The following CACNA2D4 variants were observed in gnomAD, a reference collection of about 807,000 sequenced individuals.
CACNA2D4 encodes the protein calcium voltage-gated channel auxiliary subunit alpha2delta 4.
A neutral mutation model predicts 163.8 loss-of-function variants in CACNA2D4; 157 were observed. The ratio of observed to expected loss-of-function variants is 0.96; its 90% CI spans 0.84 to 1.09. The LOEUF (loss-of-function observed/expected upper bound fraction) is 1.09, where lower values mean the gene tolerates loss of function less well. Ranked by LOEUF, CACNA2D4 falls within the 50% of genes least tolerant of loss-of-function variation. CACNA2D4 has a pLI of 0.00. For synonymous variants in CACNA2D4, 598 were observed against 586.9 expected (o/e 1.02, Z -0.27); for missense variants, 1,410 against 1,479.9 (o/e 0.95, Z 0.78).
chr12:1,870,363 G>A (rs1865743636), intron 18 of CACNA2D4, among the ~76,000 whole-genome samples: 2 of 152,038 alleles, frequency 1.3e-5, no homozygotes, highest in South Asian at 4.1e-4. Context: ...TTGGGGTCTA[G>A]CCTCCCTGTG....
At chr12:1,835,274 A>T (rs1296749874) in intron 26 of CACNA2D4, 2 of 153,998 alleles carry the variant, frequency 1.3e-5, no homozygotes, top group African/African-American at 2.4e-5. Flanking sequence ...ATCTGGACCC[A>T]GCACTCAGAA....
chr12:1,844,622 AAG>A lies in CACNA2D4; in HGVS notation c.2343-95_2343-94del, dbSNP rs1287727236. On this transcript the variant is annotated intron_variant, in intron 24 of 37. Coordinates refer to ENST00000382722, the MANE Select transcript of CACNA2D4 (RefSeq NM_172364.5). The surrounding 1 kb of genome is among the most constrained non-coding windows in gnomAD (Gnocchi z 4.2). ...CACACAAGGTCAACTTGGCTGGGCT[AAG>A]AGAGTGATTTTAGCCCCTAAATTAG... The A allele has an allele frequency of 1.9e-5, 27 of 1,401,092 alleles. No individual in the cohort carries two copies. The highest frequency in any genetic ancestry group is 2.4e-5 in the Non-Finnish European group (24 of 1,020,558). 86.8% of individuals were successfully genotyped at this position (1,401,092 alleles called of 1,614,324 possible).
intron 26 of CACNA2D4, among the ~76,000 whole-genome samples, chr12:1,818,291 C>T (rs1205032992): frequency 4.3e-4 from 65 of 151,952 alleles, no homozygotes; most frequent in Non-Finnish European, 6.6e-4. Context: ...TCATTGAGAA[C>T]GGGCCAGGAT....
intron 18 of CACNA2D4, among the ~76,000 whole-genome samples, chr12:1,873,436 A>G (rs1485722652): frequency 6.6e-6 from 1 of 152,204 alleles, no homozygotes; most frequent in East Asian, 1.9e-4. Context: ...GAGAAGCATA[A>G]AAGCAGCACG....
At chr12:1,898,802 A>G (rs1402297366) in intron 6 of CACNA2D4, among the ~76,000 whole-genome samples, 1 of 152,136 alleles carries the variant, frequency 6.6e-6, no homozygotes, top group Non-Finnish European at 1.5e-5. Context: ...CCTTAAGGGC[A>G]TTATGCTAAG....
chr12:1,878,969 G>A lies in CACNA2D4; in HGVS notation c.1631C>T (p.Ala544Val), dbSNP rs766593449. ...DVALRELMKL[A>V]PRYKLGVHGY... ...ACCCAGGCTCACCTTGTACCGGGGC[G>A]CCAGCTTCATCAGCTCTCTCAGGGC... The change falls in exon 15 of 38, where the codon GCG becomes GTG. Residue 544 changes from alanine (A) to valine (V), a missense_variant. Physicochemically the swap from Ala to Val is moderately conservative, Grantham distance 64 (BLOSUM62 0). Coordinates refer to ENST00000382722, the MANE Select transcript of CACNA2D4 (RefSeq NM_172364.5). This position sits in a 1 kb window ranked among gnomAD's most constrained non-coding sequence, Gnocchi z 4.6. 9.9e-6 allele frequency: 16 copies of A among 1,613,522 alleles called. No individual in the cohort carries two copies. The highest frequency in any genetic ancestry group is 3.3e-5 in the Admixed American group (2 of 59,990).
rs565743047 is a variant in CACNA2D4, at chr12:1,845,713, G to A, written c.2342+881C>T. Among the ~76,000 whole-genome samples, 7 of 152,278 alleles carry A rather than the reference G, an allele frequency of 4.6e-5. No individual in the cohort carries two copies. In the South Asian group the frequency reaches 1.5e-3, roughly 32 times the overall value. On this transcript the variant is annotated intron_variant, in intron 24 of 37. Coordinates refer to ENST00000382722, the MANE Select transcript of CACNA2D4 (RefSeq NM_172364.5). Reference sequence around the variant, plus strand: ...CTCCTCTGGGCTCCCATCCTCCCTTGAGCACCCGGGTGGGCCAGCCCCTGA... The same window carrying A: ...CTCCTCTGGGCTCCCATCCTCCCTTAAGCACCCGGGTGGGCCAGCCCCTGA...
At chr12:1,807,564 G>C (rs1324891430) in intron 29 of CACNA2D4, among the ~76,000 whole-genome samples, 2 of 152,004 alleles carry the variant, frequency 1.3e-5, no homozygotes, top group African/African-American at 2.4e-5. Flanking sequence ...CTGAACAAAT[G>C]GCATTAGCCC....
chr12:1,810,193 G>T, intron 29 of CACNA2D4, 85 bp downstream of exon 29: 1 of 1,154,076 alleles, frequency 8.7e-7, no homozygotes, highest in Non-Finnish European at 1.3e-6. Context: ...GGGGCCGTGG[G>T]GCTCTCTTTA....
In CACNA2D4 at chr12:1,875,105, G is replaced by T; in HGVS notation, c.1806+146C>A. On this transcript the variant is annotated intron_variant, in intron 17 of 37. Coordinates refer to ENST00000382722, the MANE Select transcript of CACNA2D4 (RefSeq NM_172364.5). This position sits in a 1 kb window ranked among gnomAD's most constrained non-coding sequence, Gnocchi z 4.0. ...GAATTGCTCATTTTAGGCATTGCTT[G>T]TGGCTTGAGCTTGGAAAGGCTCTGG... 1.6e-6 allele frequency: 1 copy of T among 635,200 alleles called. No homozygotes were observed. The highest frequency in any genetic ancestry group is 2.0e-5 in the South Asian group (1 of 50,036). 39.3% of individuals were successfully genotyped at this position (635,200 alleles called of 1,614,324 possible). A position where few individuals can be genotyped will look rare whatever the true frequency, so the allele number is the denominator to read the frequency against.
chr12:1,838,913 C>T (rs111303054), intron 26 of CACNA2D4, among the ~76,000 whole-genome samples: 4 of 152,300 alleles, frequency 2.6e-5, no homozygotes, highest in African/African-American at 9.6e-5. Context: ...GCCCTGGGCC[C>T]AGGGAAGCAC....
In CACNA2D4 at chr12:1,878,003, C is replaced by A. The variant is rs1316837916; in HGVS notation, c.1719+312G>T. ...CCTTGTTCACCCAACTTCGCAGGCC[C>A]CCAGAGTTCTGAGAGACTCCAAGCA... On this transcript the variant is annotated intron_variant, in intron 16 of 37. Transcript: ENST00000382722. The surrounding 1 kb of genome is among the most constrained non-coding windows in gnomAD (Gnocchi z 4.6). Among the ~76,000 whole-genome samples, 1 of 152,180 alleles carries A rather than the reference C, an allele frequency of 6.6e-6. No homozygotes were observed. The highest frequency in any genetic ancestry group is 1.5e-5 in the Non-Finnish European group (1 of 68,034).
At chr12:1,856,318 T>G in intron 20 of CACNA2D4, 89 bp from the exon 21 acceptor site, 3 of 1,437,660 alleles carry the variant, frequency 2.1e-6, no homozygotes, top group Non-Finnish European at 2.9e-6. Flanking sequence ...CCAGTGAGTT[T>G]CTAAAGAAAG....
chr12:1,851,422 C>T lies in CACNA2D4; in HGVS notation c.2246+2529G>A, dbSNP rs140750341. Among the ~76,000 whole-genome samples the T allele has an allele frequency of 9.4e-3, 1,425 of 152,290 alleles. 16 individuals carry two copies. The highest frequency in any genetic ancestry group is 0.016 in the Non-Finnish European group (1,064 of 68,026). On this transcript the variant is annotated intron_variant, in intron 23 of 37. Transcript: ENST00000382722. ...TATCATTCTCCATATGGCTCTCAAACCGGTTATTTAAAAATCCATCTTTCC... is the reference window on the plus strand; with the variant it reads ...TATCATTCTCCATATGGCTCTCAAATCGGTTATTTAAAAATCCATCTTTCC...
intron 6 of CACNA2D4, among the ~76,000 whole-genome samples, chr12:1,887,714 T>G (rs1359510370): frequency 3.3e-5 from 5 of 152,214 alleles, no homozygotes; most frequent in Non-Finnish European, 7.3e-5. Flanking sequence ...TTTGTATAGA[T>G]GCACAGAAAA....
At chr12:1,800,589 AC>A (rs34114272) in intron 31 of CACNA2D4, 151 bp from the exon 32 acceptor site, 36,807 of 711,796 alleles carry the variant, frequency 0.052, 1,609 homozygotes, top group Admixed American at 0.16. Context: ...GCAGCCCAGC[AC>A]CCCCCATCCC....
chr12:1,904,119 G>A (rs968051148), intron 6 of CACNA2D4, among the ~76,000 whole-genome samples: 2 of 152,022 alleles, frequency 1.3e-5, no homozygotes, highest in Admixed American at 1.3e-4. Context: ...AATAAGTCAG[G>A]TACATAAAGA....
chr12:1,843,383 C>T lies in CACNA2D4; in HGVS notation c.2470+1019G>A, dbSNP rs376176504. Among the ~76,000 whole-genome samples the T allele has an allele frequency of 3.2e-4, 48 of 152,304 alleles. No individual in the cohort carries two copies. The highest frequency in any genetic ancestry group is 9.9e-4 in the African/African-American group (41 of 41,550). The stretch of plus-strand genomic sequence containing the variant: ...TGGTGGAAGGCCTTTGGCAGAAGGG[C>T]GTCCTAAAGGGGAAGTTCTGAGTGA... On this transcript the variant is annotated intron_variant, in intron 25 of 37. Transcript: ENST00000382722. This position sits in a 1 kb window ranked among gnomAD's most constrained non-coding sequence, Gnocchi z 4.6.
chr12:1,888,537 G>A lies in CACNA2D4; in HGVS notation c.782-1468C>T, dbSNP rs186285095. 2.9e-3 allele frequency among the ~76,000 whole-genome samples: 447 copies of A among 152,254 alleles called. 1 individual carries two copies. Among genetic ancestry groups the A allele is most frequent in the African/African-American group, 9.9e-3 (411 of 41,526 alleles). On this transcript the variant is annotated intron_variant, in intron 6 of 37. Transcript: ENST00000382722. Reference sequence around the variant, plus strand: ...CAAATACCAAACACAAACTAGGTAGGTATGAGAAGAACACATAATACAAAG... The same window carrying A: ...CAAATACCAAACACAAACTAGGTAGATATGAGAAGAACACATAATACAAAG...
Sources: gnomAD v4.1 joint callset for allele counts (sites outside exome capture counted in the v4.1 genomes callset) on GRCh38, gnomAD v4.1.1 for gene constraint, Gnocchi (gnomAD v3.1) non-coding constraint, MANE v1.5 for transcripts, NCBI Gene and HGNC (gene_info 2026-07-23, HGNC 2026-07-21) for gene names.